Variants in GABRB2 observed in about 807,000 individuals in gnomAD.
GABRB2 encodes gamma-aminobutyric acid receptor subunit beta-2.
Under a neutral mutation model 54.7 loss-of-function variants are expected in GABRB2, and 16 were observed. That is an observed-to-expected ratio of 0.29 (90% CI 0.20 to 0.44). The LOEUF is 0.44. Among genes scored for constraint, GABRB2 ranks in the 20% least tolerant of loss-of-function variants. GABRB2 has a pLI of 1.00. For missense variants in GABRB2, 355 were observed against 644.0 expected (o/e 0.55, Z 4.86); for synonymous variants, 244 against 233.8 (o/e 1.04, Z -0.40).
chr5:161,424,693 C>A (rs1165481058), intron 4 of GABRB2, among the ~76,000 whole-genome samples: 11 of 152,102 alleles, frequency 7.2e-5, no homozygotes, highest in Admixed American at 7.2e-4. Flanking sequence ...ACCATGACAT[C>A]CATTCTGCTG....
chr5:161,420,569 A>T (rs947338516), intron 4 of GABRB2, among the ~76,000 whole-genome samples: 4 of 152,094 alleles, frequency 2.6e-5, no homozygotes, highest in African/African-American at 9.7e-5. Context: ...CCCTCTGCAA[A>T]ACGTGTGGCC....
intron 5 of GABRB2, among the ~76,000 whole-genome samples, chr5:161,354,980 C>T (rs1323383561): frequency 6.6e-6 from 1 of 151,858 alleles, no homozygotes; most frequent in African/African-American, 2.4e-5. Context: ...ATTTTTGTCT[C>T]TTAGCACTTG....
chr5:161,332,136 C>T (rs375794271), intron 7 of GABRB2, among the ~76,000 whole-genome samples: 21 of 141,610 alleles, frequency 1.5e-4, no homozygotes, highest in African/African-American at 4.9e-4. Context: ...ACTGCACTCC[C>T]GCCTGGGCCA....
intron 9 of GABRB2, 59 bp from the exon 10 acceptor site, chr5:161,294,487 T>G: frequency 7.0e-7 from 1 of 1,433,456 alleles, no homozygotes; most frequent in East Asian, 2.3e-5. Context: ...AGGTGCTTAC[T>G]AGGCAAGGCA....
At position 161,488,092 on chromosome 5, in the gene GABRB2, C is replaced by G. The variant is rs555527255; in HGVS notation, c.238-28248G>C. 1.1e-4 allele frequency among the ~76,000 whole-genome samples: 16 copies of G among 151,900 alleles called. No individual in the cohort carries two copies. In the South Asian group the frequency reaches 2.9e-3, roughly 28 times the overall value. ...TGGGATAAACAAATCAATCATTGTT[C>G]CTCCTCTATGGCTTTGTCTTTTAGT... On this transcript the variant is annotated intron_variant, in intron 3 of 9. Transcript: ENST00000393959.
At chr5:161,402,065 T>C (rs1473924345) in intron 5 of GABRB2, among the ~76,000 whole-genome samples, 2 of 151,434 alleles carry the variant, frequency 1.3e-5, no homozygotes, top group Non-Finnish European at 2.9e-5. Flanking sequence ...GTTATATATA[T>C]TATATAAAAA....
At chr5:161,457,319 G>C (rs1002309475) in intron 4 of GABRB2, among the ~76,000 whole-genome samples, 3 of 152,168 alleles carry the variant, frequency 2.0e-5, no homozygotes, top group Non-Finnish European at 4.4e-5. Flanking sequence ...TAAAGGTACA[G>C]CAATAGTGTC....
chr5:161,427,157 G>A (rs1757023676), intron 4 of GABRB2, among the ~76,000 whole-genome samples: 1 of 152,162 alleles, frequency 6.6e-6, no homozygotes, highest in South Asian at 2.1e-4. Context: ...CTGAAAATTA[G>A]TTGTTTGACT....
chr5:161,357,740 C>A (rs1754679113), intron 5 of GABRB2, among the ~76,000 whole-genome samples: 1 of 151,722 alleles, frequency 6.6e-6, no homozygotes, highest in Non-Finnish European at 1.5e-5. Flanking sequence ...TTTTGAAGAT[C>A]CAGCTAATAG....
At position 161,443,261 on chromosome 5, in the gene GABRB2, G is replaced by A. The variant is rs527765583; in HGVS notation, c.458+16363C>T. Among the ~76,000 whole-genome samples, 3 of 152,120 alleles carry A rather than the reference G, an allele frequency of 2.0e-5. No individual in the cohort carries two copies. The South Asian group carries it at 6.2e-4, about 32-fold the overall frequency. On this transcript the variant is annotated intron_variant, in intron 4 of 9. Transcript: ENST00000393959. ...ACTTGCAAGGATAAAATAGCTTTTTGTAATTAAGGAACATTGTCACTGAAC... is the reference window on the plus strand; with the variant it reads ...ACTTGCAAGGATAAAATAGCTTTTTATAATTAAGGAACATTGTCACTGAAC...
chr5:161,481,561 A>C (rs73303260), intron 3 of GABRB2, among the ~76,000 whole-genome samples: 8,794 of 152,004 alleles, frequency 0.058, 623 homozygotes, highest in East Asian at 0.17. Context: ...GAATAGCCCT[A>C]TTTTGTGAAT....
At chr5:161,534,840 A>G (rs1760582236) in intron 3 of GABRB2, among the ~76,000 whole-genome samples, 4 of 152,192 alleles carry the variant, frequency 2.6e-5, no homozygotes, top group Admixed American at 2.6e-4. Flanking sequence ...CTTTAAGAGA[A>G]TCATATGCAG....
intron 5 of GABRB2, among the ~76,000 whole-genome samples, chr5:161,384,896 T>G (rs1408766945): frequency 6.6e-6 from 1 of 152,146 alleles, no homozygotes; most frequent in African/African-American, 2.4e-5. Flanking sequence ...GTAGAAATGA[T>G]GTAAGAATGA....
chr5:161,506,902 T>C (rs569567825), intron 3 of GABRB2, among the ~76,000 whole-genome samples: 47 of 152,280 alleles, frequency 3.1e-4, no homozygotes, highest in Middle Eastern at 3.4e-3. Context: ...AAAATGATTT[T>C]CTACCTCAAA....
chr5:161,500,970 G>A (rs955360269), intron 3 of GABRB2, among the ~76,000 whole-genome samples: 4 of 151,912 alleles, frequency 2.6e-5, no homozygotes, highest in African/African-American at 9.7e-5. Flanking sequence ...ATCTCCCAAT[G>A]CTATCCCTCC....
At chr5:161,393,663 A>G (rs1407719267) in intron 5 of GABRB2, among the ~76,000 whole-genome samples, 1 of 152,148 alleles carries the variant, frequency 6.6e-6, no homozygotes, top group East Asian at 1.9e-4. Context: ...AGAGATAAAA[A>G]AGGACATTTC....
At chr5:161,349,942 T>C (rs1361764416) in intron 5 of GABRB2, among the ~76,000 whole-genome samples, 3 of 152,092 alleles carry the variant, frequency 2.0e-5, no homozygotes, top group African/African-American at 7.2e-5. Flanking sequence ...AGTTATAAAA[T>C]AAGAAATGTC....
At chr5:161,366,339 T>C (rs959887920) in intron 5 of GABRB2, among the ~76,000 whole-genome samples, 2 of 152,132 alleles carry the variant, frequency 1.3e-5, no homozygotes, top group Non-Finnish European at 2.9e-5. Context: ...AGGGTTTCTA[T>C]GTTTCCATTG....
chr5:161,546,846 A>C (rs1195680126), upstream of GABRB2: 6 of 1,114,592 alleles, frequency 5.4e-6, no homozygotes, highest in Admixed American at 8.8e-5. Flanking sequence ...AAAAACATGT[A>C]TATGTATAAT....
Sources: allele counts gnomAD v4.1 joint callset (sites outside exome capture counted in the v4.1 genomes callset), GRCh38; gene constraint gnomAD v4.1.1; transcripts MANE v1.5; gene names NCBI Gene and HGNC (gene_info 2026-07-23, HGNC 2026-07-21).